DIP2A: variants seen among roughly 807,000 people sequenced by gnomAD.
The protein encoded by DIP2A is disco-interacting protein 2 homolog A.
DIP2A carries 85 observed loss-of-function variants against 177.4 expected under a neutral mutation model. The ratio of observed to expected loss-of-function variants is 0.48; its 90% confidence interval spans 0.40 to 0.57. The LOEUF is 0.57. Ranked by LOEUF, DIP2A falls within the 20% of genes least tolerant of loss-of-function variation. The probability of loss-of-function intolerance (pLI) is 0.00; values close to 1 mark genes in which losing one functional copy is unlikely to be tolerated. For missense variants in DIP2A, 1,791 were observed against 2,100.2 expected, an observed-to-expected ratio of 0.85 and a Z score of 2.88; for synonymous variants, 886 against 881.8, an observed-to-expected ratio of 1.00 and a Z score of -0.08.
At position 46,551,506 on chromosome 21, in the gene DIP2A, T is replaced by C. The variant is rs150981255; in HGVS notation, c.2840-128T>C. 4.8e-4 allele frequency: 369 copies of C among 765,216 alleles called. 3 individuals are homozygous for C. In the African/African-American group the frequency reaches 5.4e-3, roughly 11 times the overall value. The allele number at this position is 765,216 out of a possible 1,614,324, so 47.4% of individuals were successfully genotyped here. On this transcript the variant is annotated intron_variant, in intron 23 of 37. Transcript: ENST00000417564. ...CCTTGTAGCTAGCTTTCTGAATATT[T>C]GTATCTCAGTAGAAGAGTTAAATGC...
chr21:46,518,665 TG>T (rs1180278906), intron 8 of DIP2A, among the ~76,000 whole-genome samples: 1 of 152,206 alleles, frequency 6.6e-6, no homozygotes, highest in Non-Finnish European at 1.5e-5. Context: ...GAGACCAGCC[TG>T]GCCAACATGG....
intron 1 of DIP2A, among the ~76,000 whole-genome samples, chr21:46,471,131 G>A (rs1260788815): frequency 6.6e-6 from 1 of 152,030 alleles, no homozygotes; most frequent in African/African-American, 2.4e-5. Context: ...AAACTCCTGG[G>A]CTAAGCTATC....
chr21:46,459,071 C>A lies in DIP2A; in HGVS notation c.-61C>A. On this transcript the variant is annotated 5_prime_UTR_variant, in exon 1 of 38. Transcript: ENST00000417564. ...AGGGGAGCTACGTAGCCGAGGTTTG[C>A]GCTGCCGCCGCCAGGCCCGGTCCGG... The A allele has an allele frequency of 7.4e-7, 1 of 1,349,006 alleles. No homozygotes were observed. The highest frequency in any genetic ancestry group is 9.6e-7 in the Non-Finnish European group (1 of 1,038,582). 83.6% of individuals were successfully genotyped at this position (1,349,006 alleles called of 1,614,324 possible). A position where few individuals can be genotyped will look rare whatever the true frequency, so the allele number is the denominator to read the frequency against.
chr21:46,461,271 C>CAAAAAAAAAAAAAA (rs60346777), intron 1 of DIP2A, among the ~76,000 whole-genome samples: 2,748 of 49,232 alleles, frequency 0.056, 559 homozygotes, highest in East Asian at 0.11. Context: ...CTCTTCTCAC[C>CAAAAAAAAAAAAAA]AAAAAAAAAA....
chr21:46,459,995 C>T (rs1237003725), intron 1 of DIP2A, among the ~76,000 whole-genome samples: 1 of 152,124 alleles, frequency 6.6e-6, no homozygotes, highest in Non-Finnish European at 1.5e-5. Context: ...TGTCCGCAGG[C>T]AGCTACTTCC....
chr21:46,489,757 G>A (rs2056900312), intron 2 of DIP2A, among the ~76,000 whole-genome samples: 1 of 152,196 alleles, frequency 6.6e-6, no homozygotes, highest in Admixed American at 6.5e-5. Context: ...GCATATTTTT[G>A]TTGAAGCACA....
rs978031751 is a variant in DIP2A, at chr21:46,498,787, C to T, written c.609C>T (p.Ala203=). The change falls in exon 5 of 38, where the codon GCC becomes GCT. Residue 203 remains alanine (A), a synonymous_variant. Transcript: ENST00000417564. This position sits in a 1 kb window ranked among gnomAD's most constrained non-coding sequence, Gnocchi z 4.3. The part of the protein sequence containing the change: ...TAPSAAATPG[A]AATTALAGLE... ...CCAGTGCTGCAGCCACGCCGGGGGC[C>T]GCCGCTACCACTGCACTCGCAGGCC... The T allele has an allele frequency of 1.7e-5, 27 of 1,613,690 alleles. No individual in the cohort carries two copies. The highest frequency in any genetic ancestry group is 2.7e-5 in the African/African-American group (2 of 74,930).
At chr21:46,581,693 T>C in the DIP2A span, among the ~76,000 whole-genome samples, 1 of 152,246 alleles carries the variant, frequency 6.6e-6, no homozygotes, top group East Asian at 1.9e-4. Context: ...AGGCCCCTCT[T>C]CTGTAGGGTT....
the DIP2A span, among the ~76,000 whole-genome samples, chr21:46,577,524 G>C: frequency 6.6e-6 from 1 of 152,142 alleles, no homozygotes; most frequent in African/African-American, 2.4e-5. Flanking sequence ...TGCTGTTTTA[G>C]TTACTGTAGC....
In DIP2A at chr21:46,546,907, T is replaced by TC. The variant is rs536969836; in HGVS notation, c.2395-5dup. ...GGGTGGAGTCTTGACGCACACCCTT[T>TC]CCCTCAGGACAACCTGGTCTTCATC... On this transcript the variant is annotated splice_polypyrimidine_tract_variant and splice_region_variant and intron_variant, in intron 20 of 37. Coordinates refer to ENST00000417564, the MANE Select transcript of DIP2A (RefSeq NM_015151.4). The TC allele has an allele frequency of 5.7e-4, 916 of 1,613,624 alleles. 7 individuals are homozygous for TC. In the African/African-American group the frequency reaches 8.9e-3, roughly 16 times the overall value.
intron 36 of DIP2A, 34 bp from the exon 37 acceptor site, chr21:46,566,526 T>A: frequency 6.2e-7 from 1 of 1,613,676 alleles, no homozygotes; most frequent in Non-Finnish European, 8.5e-7. Flanking sequence ...ATGCCTTGGC[T>A]TTCTGGGCAC....
intron 8 of DIP2A, among the ~76,000 whole-genome samples, chr21:46,518,151 T>C (rs554145518): frequency 6.6e-6 from 1 of 152,360 alleles, no homozygotes; most frequent in East Asian, 1.9e-4. Context: ...TTAAGCATTA[T>C]GCTGTTGCTG....
chr21:46,534,312 C>G (rs906320604), intron 12 of DIP2A, among the ~76,000 whole-genome samples, 199 bp downstream of exon 12: 1 of 152,202 alleles, frequency 6.6e-6, no homozygotes, highest in Non-Finnish European at 1.5e-5. Context: ...ATCTAATTCT[C>G]TCCTAACTGG....
chr21:46,477,573 CT>C (rs1357462907), intron 1 of DIP2A, among the ~76,000 whole-genome samples: 106 of 77,818 alleles, frequency 1.4e-3, no homozygotes, highest in African/African-American at 3.3e-3. Context: ...GTGTGTATTT[CT>C]TTTTTTTTTT....
chr21:46,536,214 A>G lies in DIP2A; in HGVS notation c.1643-1010A>G, dbSNP rs535984110. Among the ~76,000 whole-genome samples the G allele has an allele frequency of 3.4e-4, 52 of 152,362 alleles. No homozygotes were observed. The South Asian group carries it at 0.011, about 32-fold the overall frequency. On this transcript the variant is annotated intron_variant, in intron 13 of 37. Transcript: ENST00000417564. ...TCAAACCTCTCCTGTTTGCCTTTGG[A>G]GTGCTGTGGCCTTTGGCGAGAAGCC... is the stretch of plus-strand genomic sequence containing the variant.
chr21:46,570,019 C>G (rs950569988), downstream of DIP2A, among the ~76,000 whole-genome samples: 3 of 152,080 alleles, frequency 2.0e-5, no homozygotes, highest in African/African-American at 7.2e-5. Context: ...AAATCTATTA[C>G]ATATATTCTT....
At chr21:46,513,674 G>A (rs1406735339) in intron 8 of DIP2A, among the ~76,000 whole-genome samples, 2 of 152,074 alleles carry the variant, frequency 1.3e-5, no homozygotes, top group African/African-American at 4.8e-5. Context: ...ATGTTTTATA[G>A]GTTGAGAGCA....
At chr21:46,570,574 C>T (rs2060951035), downstream of DIP2A, among the ~76,000 whole-genome samples, 1 of 152,068 alleles carries the variant, frequency 6.6e-6, no homozygotes, top group Admixed American at 6.5e-5. Context: ...TGTTTTGGTG[C>T]AGATGGTTTT....
chr21:46,529,828 G>A (rs887273985), intron 9 of DIP2A, among the ~76,000 whole-genome samples: 1 of 152,132 alleles, frequency 6.6e-6, no homozygotes, highest in Admixed American at 6.5e-5. Context: ...GTGAAATTCT[G>A]TATTTTTATC....
Sources: allele counts gnomAD v4.1 joint callset (sites outside exome capture counted in the v4.1 genomes callset), GRCh38; gene constraint gnomAD v4.1.1; non-coding constraint Gnocchi (gnomAD v3.1); transcripts MANE v1.5; gene names NCBI Gene and HGNC (gene_info 2026-07-23, HGNC 2026-07-21).